The following BRCA1 variants were observed in gnomAD, a reference collection of about 807,000 sequenced individuals.
BRCA1 encodes the protein BRCA1 DNA repair associated, also known as breast cancer type 1 susceptibility protein.
In BRCA1, 140 loss-of-function variants were observed where a neutral mutation model predicts 173.7. The observed-to-expected ratio is 0.81, with a 90% CI of 0.70 to 0.93. The LOEUF is 0.93. Among genes scored for constraint, BRCA1 ranks in the 40% least tolerant of loss-of-function variants. BRCA1 has a pLI of 0.00. For missense variants in BRCA1, 1,983 were observed against 2,172.5 expected, an observed-to-expected ratio of 0.91 and a Z score of 1.73; for synonymous variants, 662 against 756.0, an observed-to-expected ratio of 0.88 and a Z score of 2.04.
chr17:43,073,763 TA>T (rs762493731), intron 14 of BRCA1, among the ~76,000 whole-genome samples: 88 of 150,164 alleles, frequency 5.9e-4, no homozygotes, highest in African/African-American at 1.9e-3. Context: ...TATATATATA[TA>T]TATTTTTTGA....
rs758535463 is a variant in BRCA1, at chr17:43,085,221, C to G, written c.4186-2646G>C. Among the ~76,000 whole-genome samples the G allele has an allele frequency of 1.3e-4, 19 of 151,972 alleles. No homozygotes were observed. Among genetic ancestry groups the G allele is most frequent in the Non-Finnish European group, 2.4e-4 (16 of 67,996 alleles). ...TCATGTCTTTTTCTTCCATAAAGAC[C>G]CTTAGTGCTCCATCCTGGCCATCAC... On this transcript the variant is annotated intron_variant, in intron 11 of 22. Transcript: ENST00000357654.
chr17:43,097,590 C>T (rs1237589915), intron 7 of BRCA1, among the ~76,000 whole-genome samples: 1 of 152,042 alleles, frequency 6.6e-6, no homozygotes, highest in South Asian at 2.1e-4. Context: ...CCCGTTTCTA[C>T]TGAAAACAAA....
intron 1 of BRCA1, among the ~76,000 whole-genome samples, chr17:43,169,580 T>A (rs1158045805): frequency 2.0e-5 from 3 of 151,842 alleles, no homozygotes; most frequent in Non-Finnish European, 4.4e-5. Flanking sequence ...AGTGCTTCCC[T>A]CGAGACCTAC....
At chr17:43,170,076 A>T (rs2056316121) in intron 1 of BRCA1, 4 of 376,066 alleles carry the variant, frequency 1.1e-5, no homozygotes, top group Non-Finnish European at 2.1e-5. Flanking sequence ...GACGGAGGCC[A>T]TAGCGCGGGC....
At chr17:43,077,488 G>A (rs1014668824) in intron 12 of BRCA1, among the ~76,000 whole-genome samples, 5 of 151,846 alleles carry the variant, frequency 3.3e-5, no homozygotes, top group African/African-American at 1.2e-4. Context: ...CTGCCACCAC[G>A]CCCAGCTAGT....
chr17:43,086,521 C>G (rs1439943361), intron 11 of BRCA1, among the ~76,000 whole-genome samples: 1 of 152,114 alleles, frequency 6.6e-6, no homozygotes, highest in Non-Finnish European at 1.5e-5. Flanking sequence ...AGACGTAAGA[C>G]AGCCTGAAAT....
chr17:43,055,042 G>A (rs911078690), intron 19 of BRCA1, among the ~76,000 whole-genome samples: 3 of 152,132 alleles, frequency 2.0e-5, no homozygotes, highest in Non-Finnish European at 4.4e-5. Context: ...GAGCCACCGC[G>A]ACCAGCCTGG....
intron 4 of BRCA1, 126 bp downstream of exon 4, chr17:43,106,330 T>C: frequency 1.6e-6 from 1 of 634,612 alleles, no homozygotes; most frequent in Non-Finnish European, 2.7e-6. Context: ...TAATTTACTG[T>C]GTGCTAAAAA....
At position 43,092,164 on chromosome 17, in the gene BRCA1, C is replaced by A. The variant is rs80356867; in HGVS notation, c.3367G>T (p.Asp1123Tyr). 4 of 1,613,400 alleles carry A rather than the reference C, an allele frequency of 2.5e-6. No individual in the cohort carries two copies. The highest frequency in any genetic ancestry group is 1.7e-6 in the Non-Finnish European group (2 of 1,179,898). ...YEEVVQTVNT[D>Y]FSPYLISDNL... ...TCTGAAATCAGATATGGAGAGAAAT[C>A]TGTATTAACAGTCTGAACTACTTCT... Residue 1123 changes from aspartate to tyrosine, a missense_variant, in exon 10 of 23, where the codon GAT becomes TAT. Asp to Tyr is a radical substitution (Grantham distance 160). Transcript: ENST00000357654.
intron 1 of BRCA1, chr17:43,168,139 C>T (rs1177902164): frequency 2.9e-6 from 1 of 339,122 alleles, no homozygotes; most frequent in Non-Finnish European, 6.0e-6. Context: ...ATATAGGAAT[C>T]CCAAATTAAT....
At chr17:43,096,465 G>C (rs758790501) in intron 8 of BRCA1, among the ~76,000 whole-genome samples, 1 of 150,668 alleles carries the variant, frequency 6.6e-6, no homozygotes, top group African/African-American at 2.4e-5. Context: ...CCAGCTACTC[G>C]TGAGATTGAG....
intron 19 of BRCA1, among the ~76,000 whole-genome samples, chr17:43,053,135 C>G (rs940142897): frequency 5.3e-5 from 8 of 152,028 alleles, no homozygotes; most frequent in Non-Finnish European, 1.0e-4. Context: ...CTCAGGCTCC[C>G]AAAGACAAGT....
At chr17:43,082,974 C>A (rs1395886582) in intron 11 of BRCA1, among the ~76,000 whole-genome samples, 1 of 152,104 alleles carries the variant, frequency 6.6e-6, no homozygotes, top group Non-Finnish European at 1.5e-5. Context: ...TTGTGAGATT[C>A]ATCAGACATT....
rs397509083 is a variant in BRCA1, at chr17:43,091,952, G to GA, written c.3578dup (p.Thr1194HisfsTer25). ...AACCCTGAGCCAAATGTGTATGGGT[G>GA]AAAGGGCTAGGACTCCTGCTAAGCT... On this transcript the variant is annotated frameshift_variant, in exon 10 of 23. Coordinates refer to ENST00000357654, the MANE Select transcript of BRCA1 (RefSeq NM_007294.4). LOFTEE classifies it high-confidence loss of function. The GA allele has an allele frequency of 6.2e-7, 1 of 1,614,104 alleles. No homozygotes were observed. The highest frequency in any genetic ancestry group is 8.5e-7 in the Non-Finnish European group (1 of 1,180,004).
chr17:43,133,067 T>G (rs2055983980), intron 1 of BRCA1: 1 of 152,172 alleles, frequency 6.6e-6, no homozygotes, highest in African/African-American at 2.4e-5. Context: ...CCACCGCACC[T>G]GGTCGATTAA....
chr17:43,073,244 A>C (rs1276365337), intron 14 of BRCA1, among the ~76,000 whole-genome samples: 2 of 152,080 alleles, frequency 1.3e-5, no homozygotes, highest in Non-Finnish European at 1.5e-5. Flanking sequence ...TTTTGTAAGA[A>C]AGGAAAAAAA....
intron 1 of BRCA1, chr17:43,164,208 G>A (rs1242001009): frequency 1.3e-5 from 2 of 152,188 alleles, no homozygotes; most frequent in Non-Finnish European, 2.9e-5. Flanking sequence ...ATGGTTTTAG[G>A]AAATTACAAA....
At position 43,139,789 on chromosome 17, in the gene BRCA1, G is replaced by T. The variant is rs1406892512; in HGVS notation, c.-19-15674C>A. 8.8e-6 allele frequency: 4 copies of T among 453,856 alleles called. No homozygotes were observed. In the Admixed American group the frequency reaches 9.6e-5, roughly 11 times the overall value. 28.1% of individuals were successfully genotyped at this position (453,856 alleles called of 1,614,324 possible). A position where few individuals can be genotyped will look rare whatever the true frequency, so the allele number is the denominator to read the frequency against. On this transcript the variant is annotated intron_variant, in intron 1 of 7. Transcript: ENST00000634433. Reference sequence around the variant, plus strand: ...TCCCACTTATAAGTGAGAACGTGTGGTGTTTGGTTTTCTGTTCCTTTCTTA... The same window carrying T: ...TCCCACTTATAAGTGAGAACGTGTGTTGTTTGGTTTTCTGTTCCTTTCTTA...
upstream of BRCA1, among the ~76,000 whole-genome samples, chr17:43,129,502 C>T (rs1288086971): frequency 2.6e-5 from 4 of 152,016 alleles, no homozygotes; most frequent in Non-Finnish European, 5.9e-5. Flanking sequence ...CTGAGTCTCG[C>T]TCTGTCGCCC....
Sources: allele counts gnomAD v4.1 joint callset (sites outside exome capture counted in the v4.1 genomes callset), GRCh38; gene constraint gnomAD v4.1.1; transcripts MANE v1.5; gene names NCBI Gene and HGNC (gene_info 2026-07-23, HGNC 2026-07-21).